The following PHLPP2 variants were observed in gnomAD, a reference collection of about 807,000 sequenced individuals.
The protein encoded by PHLPP2 is PH domain and leucine rich repeat protein phosphatase 2.
In PHLPP2, 66 loss-of-function variants were observed where a neutral mutation model predicts 124.9. That is an observed-to-expected ratio of 0.53 (90% CI 0.43 to 0.65). The LOEUF is 0.65. PHLPP2 is among the 30% of genes least tolerant of loss of function. PHLPP2 has a pLI of 0.00. For synonymous variants in PHLPP2, 681 were observed against 624.7 expected (o/e 1.09, Z -1.34); for missense variants, 1,685 against 1,600.4 (o/e 1.05, Z -0.90).
rs745761731 is a variant in PHLPP2 at position 71,658,205 on chromosome 16, A to T, written c.2279+28T>A. 3.1e-6 allele frequency: 5 copies of T among 1,604,108 alleles called. No homozygotes were observed. The South Asian group carries it at 5.5e-5, about 18-fold the overall frequency. On this transcript the variant is annotated intron_variant, in intron 15 of 18. Transcript: ENST00000568954. ...CATGGCTGGTGGGCTAAGAGCACAT[A>T]GAGATTCCATTTCAAATTTTTTCCT...
At position 71,676,655 on chromosome 16, in the gene PHLPP2, T is replaced by C. The variant is rs749168237; in HGVS notation, c.1269-6A>G. ...TGGTTTTCAAATGGTTCATCCTTAA[T>C]ACGCAGAAACAAGAAAATAATCATA... is the stretch of plus-strand genomic sequence containing the variant. On this transcript the variant is annotated splice_region_variant and splice_polypyrimidine_tract_variant and intron_variant, in intron 8 of 18. Transcript: ENST00000568954. The C allele has an allele frequency of 1.9e-6, 3 of 1,594,150 alleles. No individual in the cohort carries two copies. Among genetic ancestry groups the C allele is most frequent in the South Asian group, 1.1e-5 (1 of 90,670 alleles).
chr16:71,714,900 C>T, intron 1 of PHLPP2, 99 bp from the exon 2 acceptor site: 1 of 1,430,076 alleles, frequency 7.0e-7, no homozygotes, highest in South Asian at 1.4e-5. Flanking sequence ...TATTCCCCAA[C>T]ATTCTGCTCA....
At chr16:71,671,010 G>C (rs2044888167) in intron 10 of PHLPP2, among the ~76,000 whole-genome samples, 1 of 152,138 alleles carries the variant, frequency 6.6e-6, no homozygotes, top group Non-Finnish European at 1.5e-5. Context: ...TAGATGCTGA[G>C]GACACTGGAA....
In PHLPP2 at chr16:71,650,042, G is replaced by C. The variant is rs765705432; in HGVS notation, c.2820C>G (p.Asp940Glu). ...VKDQKAIITE[D>E]NKVNGVTCCT... ...AGCAGGTTACCCCATTCACTTTGTT[G>C]TCCTACAGAAGAGCAGGACACAAAT... The change falls in exon 19 of 19, where the codon GAC (aspartate) becomes GAG (glutamate). Residue 940 changes from aspartate to glutamate, a missense_variant and splice_region_variant. Asp to Glu is a conservative substitution (Grantham distance 45). Transcript: ENST00000568954. The C allele has an allele frequency of 6.2e-7, 1 of 1,601,966 alleles. No homozygotes were observed. The highest frequency in any genetic ancestry group is 1.7e-4 in the Middle Eastern group (1 of 6,056).
intron 2 of PHLPP2, among the ~76,000 whole-genome samples, chr16:71,714,025 G>C (rs2045341050): frequency 6.8e-6 from 1 of 147,350 alleles, no homozygotes; most frequent in Non-Finnish European, 1.5e-5. Flanking sequence ...CCGCAACCTT[G>C]GTCTCCCAGG....
At chr16:71,659,840 A>T (rs2044773282) in intron 13 of PHLPP2, among the ~76,000 whole-genome samples, 1 of 152,276 alleles carries the variant, frequency 6.6e-6, no homozygotes, top group South Asian at 2.1e-4. Flanking sequence ...AAAGTGAAAA[A>T]TAAAGAAATA....
At chr16:71,690,780 C>A (rs2045103880) in intron 3 of PHLPP2, 71 bp from the exon 4 acceptor site, 1 of 1,051,678 alleles carries the variant, frequency 9.5e-7, no homozygotes, top group Non-Finnish European at 1.4e-6. Flanking sequence ...AAAAAGAAAG[C>A]ATTGTGTGTC....
At chr16:71,713,781 T>A (rs371326158) in intron 2 of PHLPP2, among the ~76,000 whole-genome samples, 17 of 152,218 alleles carry the variant, frequency 1.1e-4, no homozygotes, top group Admixed American at 9.2e-4. Flanking sequence ...TATATGCTTA[T>A]AATTTAACAG....
chr16:71,666,310 G>A lies in PHLPP2; in HGVS notation c.1784+868C>T, dbSNP rs537249309. 43 of 152,404 alleles carry A rather than the reference G, an allele frequency of 2.8e-4. 1 individual carries two copies. The highest frequency in any genetic ancestry group is 1.0e-3 in the African/African-American group (42 of 41,588). The allele number at this position is 152,404 out of a possible 1,614,324, so 9.4% of individuals were successfully genotyped here. On this transcript the variant is annotated intron_variant, in intron 12 of 18. Coordinates refer to ENST00000568954, the MANE Select transcript of PHLPP2 (RefSeq NM_015020.3). ...ACAGGCAGATCACTTGAGTCCAGGA[G>A]TTTGAGACCAGCCTGAACAAAACGG...
chr16:71,703,074 T>C (rs1399556078), intron 2 of PHLPP2, among the ~76,000 whole-genome samples: 2 of 152,220 alleles, frequency 1.3e-5, no homozygotes, highest in Admixed American at 6.5e-5. Flanking sequence ...CTGAAGATAA[T>C]GACTTCCAGG....
At chr16:71,721,411 A>T (rs774107339) in intron 1 of PHLPP2, among the ~76,000 whole-genome samples, 1 of 152,168 alleles carries the variant, frequency 6.6e-6, no homozygotes, top group Non-Finnish European at 1.5e-5. Context: ...TGAGGCCAGG[A>T]GTTTGAGATC....
At position 71,648,808 on chromosome 16, in the gene PHLPP2, G is replaced by T. The variant is rs2044671413; in HGVS notation, c.*82C>A. 2 of 984,646 alleles carry T rather than the reference G, an allele frequency of 2.0e-6. No homozygotes were observed. The highest frequency in any genetic ancestry group is 4.8e-5 in the East Asian group (2 of 41,848). The allele number at this position is 984,646 out of a possible 1,614,324, so 61.0% of individuals were successfully genotyped here. A position where few individuals can be genotyped will look rare whatever the true frequency, so the allele number is the denominator to read the frequency against. ...CAAAAAAAAAACGAACAAACAAAAA[G>T]AAATGTAGAGGCAGAATGCCTCTAG... On this transcript the variant is annotated 3_prime_UTR_variant, in exon 19 of 19. Transcript: ENST00000568954.
chr16:71,669,411 C>G (rs1405858126), intron 10 of PHLPP2, 41 bp from the exon 11 acceptor site: 3 of 1,391,064 alleles, frequency 2.2e-6, no homozygotes, highest in Non-Finnish European at 3.0e-6. Flanking sequence ...TTTAAGATGA[C>G]AAGTGGAACT....
chr16:71,696,374 C>T (rs921340893), intron 3 of PHLPP2, among the ~76,000 whole-genome samples: 6 of 152,168 alleles, frequency 3.9e-5, no homozygotes, highest in Non-Finnish European at 2.9e-5. Context: ...CAGTGGCTCA[C>T]GCCTGCAATC....
At position 71,648,367 on chromosome 16, in the gene PHLPP2, A is replaced by C. The variant is rs528658729; in HGVS notation, c.*523T>G. ...CCCCTGGGAATTCCAATGCAGGTTAAATGTGAAACTTAACACTGATAGTGG... is the reference window on the plus strand; with the variant it reads ...CCCCTGGGAATTCCAATGCAGGTTACATGTGAAACTTAACACTGATAGTGG... On this transcript the variant is annotated 3_prime_UTR_variant, in exon 19 of 19. Transcript: ENST00000568954. The C allele has an allele frequency of 6.2e-6, 1 of 160,520 alleles. No individual in the cohort carries two copies. Among genetic ancestry groups the C allele is most frequent in the African/African-American group, 2.4e-5 (1 of 41,676 alleles). 9.9% of individuals were successfully genotyped at this position (160,520 alleles called of 1,614,324 possible). A position where few individuals can be genotyped will look rare whatever the true frequency, so the allele number is the denominator to read the frequency against.
intron 1 of PHLPP2, among the ~76,000 whole-genome samples, chr16:71,719,939 A>T (rs2045387194): frequency 7.2e-6 from 1 of 139,726 alleles, no homozygotes; most frequent in Non-Finnish European, 1.5e-5. Flanking sequence ...CTGGGATTAC[A>T]GGTGCACAAC....
intron 13 of PHLPP2, among the ~76,000 whole-genome samples, chr16:71,659,383 C>G (rs894428595): frequency 6.6e-6 from 1 of 151,606 alleles, no homozygotes; most frequent in Non-Finnish European, 1.5e-5. Context: ...TCCCGAGTAG[C>G]TGGGATTACA....
chr16:71,695,281 G>A (rs2045158333), intron 3 of PHLPP2, among the ~76,000 whole-genome samples: 1 of 152,178 alleles, frequency 6.6e-6, no homozygotes, highest in Non-Finnish European at 1.5e-5. Flanking sequence ...GAATACAGGT[G>A]CATAAAGAGA....
intron 3 of PHLPP2, among the ~76,000 whole-genome samples, chr16:71,697,108 G>A (rs1270823040): frequency 6.6e-6 from 1 of 151,858 alleles, no homozygotes; most frequent in South Asian, 2.1e-4. Context: ...GAGAGGCGGA[G>A]GTTGCAGTGA....
Sources: allele counts gnomAD v4.1 joint callset (sites outside exome capture counted in the v4.1 genomes callset), GRCh38; gene constraint gnomAD v4.1.1; transcripts MANE v1.5; gene names NCBI Gene and HGNC (gene_info 2026-07-23, HGNC 2026-07-21).